Variants in DCDC2C observed in about 807,000 individuals in gnomAD.
DCDC2C encodes doublecortin domain-containing protein 2C.
A neutral mutation model predicts 45.0 loss-of-function variants in DCDC2C; 44 were observed. The ratio of observed to expected loss-of-function variants is 0.98; its 90% CI spans 0.77 to 1.26. The LOEUF is 1.26. DCDC2C is among the 50% of genes most tolerant of loss of function. The probability of loss-of-function intolerance (pLI) is 0.00; values close to 1 mark genes in which losing one functional copy is unlikely to be tolerated. For synonymous variants in DCDC2C, 187 were observed against 178.8 expected, an observed-to-expected ratio of 1.05 and a Z score of -0.37; for missense variants, 447 against 468.9, an observed-to-expected ratio of 0.95 and a Z score of 0.43.
At chr2:3,719,259 G>C (rs1001247799) in intron 2 of DCDC2C, among the ~76,000 whole-genome samples, 2 of 152,014 alleles carry the variant, frequency 1.3e-5, no homozygotes, top group African/African-American at 2.4e-5. Context: ...TAATTTTTTT[G>C]TATTTTTAAT....
chr2:3,803,685 C>T (rs917300853), intron 10 of DCDC2C, among the ~76,000 whole-genome samples: 9 of 152,222 alleles, frequency 5.9e-5, no homozygotes, highest in African/African-American at 9.6e-5. Context: ...CCATCAATCA[C>T]GCCTTTGTTC....
chr2:3,838,016 A>G (rs1364703905), intron 10 of DCDC2C, among the ~76,000 whole-genome samples: 1 of 152,214 alleles, frequency 6.6e-6, no homozygotes, highest in East Asian at 1.9e-4. Flanking sequence ...GCTTTAAAGA[A>G]AAAGGAAACA....
In DCDC2C at chr2:3,752,744, C is replaced by G; in HGVS notation, c.546-19C>G. On this transcript the variant is annotated intron_variant, in intron 4 of 10. Coordinates refer to ENST00000399143, the MANE Select transcript of DCDC2C (RefSeq NM_001287444.2). ...TGGTCCTCAAGTCTCTATCTCATTT[C>G]TTCTTTCTGTTTTTACAGATTATTT... is the stretch of plus-strand genomic sequence containing the variant. The G allele has an allele frequency of 6.5e-7, 1 of 1,550,190 alleles. No individual in the cohort carries two copies. Among genetic ancestry groups the G allele is most frequent in the Non-Finnish European group, 8.7e-7 (1 of 1,146,718 alleles).
chr2:3,709,788 C>T (rs995600446), intron 2 of DCDC2C, among the ~76,000 whole-genome samples: 47 of 152,170 alleles, frequency 3.1e-4, no homozygotes, highest in African/African-American at 1.1e-3. Context: ...TCGGTTCATC[C>T]TTTGCATATT....
intron 10 of DCDC2C, among the ~76,000 whole-genome samples, chr2:3,840,113 T>C (rs1672177636): frequency 6.6e-6 from 1 of 152,156 alleles, no homozygotes; most frequent in East Asian, 1.9e-4. Flanking sequence ...ATCTTGCGAG[T>C]GTTGATGTAA....
intron 1 of DCDC2C, among the ~76,000 whole-genome samples, chr2:3,708,007 A>G (rs568072030): frequency 2.2e-4 from 34 of 152,348 alleles, no homozygotes; most frequent in African/African-American, 7.5e-4. Flanking sequence ...AAGTCTCAAA[A>G]GTCCCCAACA....
chr2:3,793,966 G>A (rs561942768), intron 10 of DCDC2C, among the ~76,000 whole-genome samples: 1 of 152,346 alleles, frequency 6.6e-6, no homozygotes, highest in Admixed American at 6.5e-5. Flanking sequence ...AATAGACTTT[G>A]TTGATAATTG....
In DCDC2C at chr2:3,716,956, G is replaced by A. The variant is rs114446489; in HGVS notation, c.339+8356G>A. ...CCCATCCATCAGGTGGTGAACATTT[G>A]GGCCTTGTTGGTCATAGCCCTGCTG... On this transcript the variant is annotated intron_variant, in intron 2 of 10. Coordinates refer to ENST00000399143, the MANE Select transcript of DCDC2C (RefSeq NM_001287444.2). Among the ~76,000 whole-genome samples, 1,163 of 152,222 alleles carry A rather than the reference G, an allele frequency of 7.6e-3. 17 individuals carry two copies. The highest frequency in any genetic ancestry group is 0.026 in the African/African-American group (1,082 of 41,526).
chr2:3,804,888 G>A (rs1671194730), intron 10 of DCDC2C, among the ~76,000 whole-genome samples: 1 of 152,178 alleles, frequency 6.6e-6, no homozygotes, highest in Non-Finnish European at 1.5e-5. Flanking sequence ...AATTATTGGT[G>A]CCATTTCCTT....
chr2:3,745,845 G>A (rs1431098872), intron 4 of DCDC2C, among the ~76,000 whole-genome samples: 1 of 151,906 alleles, frequency 6.6e-6, no homozygotes, highest in Admixed American at 6.6e-5. Context: ...GAGTAGTTGG[G>A]ACTACAGGTG....
At chr2:3,746,531 A>G (rs973520656) in intron 4 of DCDC2C, among the ~76,000 whole-genome samples, 1 of 152,212 alleles carries the variant, frequency 6.6e-6, no homozygotes, top group Non-Finnish European at 1.5e-5. Context: ...GTGATGAGCT[A>G]TGCTTGTGAA....
At chr2:3,824,559 T>C (rs1671771720) in intron 10 of DCDC2C, among the ~76,000 whole-genome samples, 1 of 151,702 alleles carries the variant, frequency 6.6e-6, no homozygotes, top group East Asian at 1.9e-4. Context: ...TAGAGAGGAG[T>C]TTAGTTGAGG....
intron 10 of DCDC2C, among the ~76,000 whole-genome samples, chr2:3,837,620 G>GAATACAGTATCAAGA (rs1672113253): frequency 9.8e-6 from 1 of 102,384 alleles, no homozygotes; most frequent in African/African-American, 3.2e-5. Context: ...AAGAAACTGA[G>GAATACAGTATCAAGA]GAAGAAATCA....
At chr2:3,808,087 A>G (rs1208529159) in intron 10 of DCDC2C, among the ~76,000 whole-genome samples, 1 of 152,238 alleles carries the variant, frequency 6.6e-6, no homozygotes, top group Non-Finnish European at 1.5e-5. Flanking sequence ...TCACTGTGTA[A>G]GAAGCTGGCA....
At chr2:3,787,535 C>T (rs963566149) in intron 10 of DCDC2C, among the ~76,000 whole-genome samples, 1 of 152,226 alleles carries the variant, frequency 6.6e-6, no homozygotes, top group Non-Finnish European at 1.5e-5. Flanking sequence ...GCCCTTTTCT[C>T]AGCATCGGGC....
chr2:3,745,467 A>C (rs1669333372), intron 4 of DCDC2C, among the ~76,000 whole-genome samples: 1 of 152,204 alleles, frequency 6.6e-6, no homozygotes, highest in African/African-American at 2.4e-5. Flanking sequence ...GGTTTAGCAA[A>C]AGTGCAGAGC....
Position 3,714,340 on chromosome 2 carries a change from T to C in DCDC2C, c.339+5740T>C, listed in dbSNP as rs1572551881. Among the ~76,000 whole-genome samples, 4 of 152,326 alleles carry C rather than the reference T, an allele frequency of 2.6e-5. 1 individual carries two copies. In the South Asian group the frequency reaches 8.3e-4, roughly 32 times the overall value. On this transcript the variant is annotated intron_variant, in intron 2 of 10. Coordinates refer to ENST00000399143, the MANE Select transcript of DCDC2C (RefSeq NM_001287444.2). The stretch of plus-strand genomic sequence containing the variant: ...TTGGGGTCTTGGCTTTCAATGACTG[T>C]GCCATGTTGGTTTAATGAGAAAAGT...
rs149214924 is a variant in DCDC2C at position 3,720,875 on chromosome 2, G to A, written c.340-6128G>A. 8.3e-4 allele frequency among the ~76,000 whole-genome samples: 127 copies of A among 152,188 alleles called. 1 individual carries two copies. Among genetic ancestry groups the A allele is most frequent in the African/African-American group, 2.9e-3 (120 of 41,526 alleles). ...TAAATGTTTGATAGAATTTACCAGT[G>A]GAGCTATCTGGGCCTAGCGTTGTCT... On this transcript the variant is annotated intron_variant, in intron 2 of 10. Transcript: ENST00000399143.
intron 4 of DCDC2C, among the ~76,000 whole-genome samples, chr2:3,744,128 G>A (rs1005239485): frequency 1.3e-5 from 2 of 152,188 alleles, no homozygotes; most frequent in Non-Finnish European, 2.9e-5. Context: ...TGGACTGCAC[G>A]CTGAAGATTT....
Sources: gnomAD v4.1 joint callset for allele counts (sites outside exome capture counted in the v4.1 genomes callset) on GRCh38, gnomAD v4.1.1 for gene constraint, MANE v1.5 for transcripts, NCBI Gene and HGNC (gene_info 2026-07-23, HGNC 2026-07-21) for gene names.